The following IRF2BP1 variants were observed in gnomAD, a reference collection of about 807,000 sequenced individuals.
IRF2BP1 encodes the protein interferon regulatory factor 2-binding protein 1.
In IRF2BP1, 9 loss-of-function variants were observed where a neutral mutation model predicts 38.6. That is an observed-to-expected ratio of 0.23 (90% CI 0.14 to 0.41). IRF2BP1 has a LOEUF of 0.41. IRF2BP1 is among the 10% of genes least tolerant of loss of function. The pLI, the probability that IRF2BP1 is intolerant of heterozygous loss-of-function variation, is 1.00. For synonymous variants in IRF2BP1, 416 were observed against 383.4 expected, an observed-to-expected ratio of 1.08 and a Z score of -0.99; for missense variants, 631 against 829.6, an observed-to-expected ratio of 0.76 and a Z score of 2.94.
At position 45,884,314 on chromosome 19, in the gene IRF2BP1, G is replaced by A. The variant is rs762734968; in HGVS notation, c.1461C>T (p.Ser487=). ...TCGCCCCAGTGCCGCTGCCACCCCC[G>A]CTGACAGCTTCGGCCCCCGCTGTGG... The part of the protein sequence containing the change: ...VSPTAGAEAV[S]GGGSGTGATP... Residue 487 remains serine, a synonymous_variant, in exon 1 of 1, where the codon AGC becomes AGT. Coordinates refer to ENST00000302165, the MANE Select transcript of IRF2BP1 (RefSeq NM_015649.3). 3 of 1,610,178 alleles carry A rather than the reference G, an allele frequency of 1.9e-6. No homozygotes were observed. The highest frequency in any genetic ancestry group is 4.5e-5 in the East Asian group (2 of 44,838).
chr19:45,884,215 C>G lies in IRF2BP1; in HGVS notation c.1560G>C (p.Ser520=), dbSNP rs1285621815. 6.2e-7 allele frequency: 1 copy of G among 1,611,774 alleles called. No individual in the cohort carries two copies. The highest frequency in any genetic ancestry group is 2.2e-5 in the East Asian group (1 of 44,858). ...LEDTHFVQCP[S]VPGHKFCFPC... ...GAAAGCAGAACTTGTGTCCGGGCAC[C>G]GAGGGGCACTGGACGAAGTGGGTGT... Residue 520 remains serine, a synonymous_variant, in exon 1 of 1, where the codon TCG becomes TCC. Coordinates refer to ENST00000302165, the MANE Select transcript of IRF2BP1 (RefSeq NM_015649.3).
At position 45,883,988 on chromosome 19, in the gene IRF2BP1, G is replaced by A. The variant is rs1212746000; in HGVS notation, c.*32C>T. ...CGCGGCAGCGGTGGGTGGCAAAGGG[G>A]CAGAGGGCAGTAGCCTGGAGGCAGT... On this transcript the variant is annotated 3_prime_UTR_variant, in exon 1 of 1. Transcript: ENST00000302165. 5 of 1,518,234 alleles carry A rather than the reference G, an allele frequency of 3.3e-6. No homozygotes were observed. The highest frequency in any genetic ancestry group is 4.4e-6 in the Non-Finnish European group (5 of 1,128,644). 94.0% of individuals were successfully genotyped at this position (1,518,234 alleles called of 1,614,324 possible).
At position 45,884,106 on chromosome 19, in the gene IRF2BP1, A is replaced by G; in HGVS notation, c.1669T>C (p.Ser557Pro). The change falls in exon 1 of 1, where the codon TCC becomes CCC. Residue 557 changes from serine (S) to proline (P), a missense_variant. Ser to Pro is a moderately conservative substitution (Grantham distance 74, BLOSUM62 -1). This residue lies in a region of IRF2BP1 where 58 missense variants were observed against 108.4 expected (regional missense o/e 0.54). Coordinates refer to ENST00000302165, the MANE Select transcript of IRF2BP1 (RefSeq NM_015649.3). ...PSGDKCPLVG[S>P]SVPWAFMQGE... is the part of the protein sequence containing the mutation. ...TGCATGAAGGCCCAGGGCACGGAGG[A>G]GCCGACCAGCGGGCACTTGTCTCCG... The G allele has an allele frequency of 6.2e-7, 1 of 1,612,912 alleles. No individual in the cohort carries two copies. Among genetic ancestry groups the G allele is most frequent in the South Asian group, 1.1e-5 (1 of 90,998 alleles).
Position 45,885,400 on chromosome 19 carries a change from C to T in IRF2BP1, c.375G>A (p.Ser125=). ...ATSSGRLPLP[S]PALEYTLGSR... The stretch of plus-strand genomic sequence containing the variant: ...ACCCCAGAGTGTACTCCAGGGCGGG[C>T]GAGGGCAGGGGGAGGCGGCCTGATG... The change falls in exon 1 of 1, where the codon TCG becomes TCA. Residue 125 remains serine (S), a synonymous_variant. Coordinates refer to ENST00000302165, the MANE Select transcript of IRF2BP1 (RefSeq NM_015649.3). 6.3e-7 allele frequency: 1 copy of T among 1,598,966 alleles called. No homozygotes were observed. The highest frequency in any genetic ancestry group is 1.1e-5 in the South Asian group (1 of 90,060).
At position 45,884,858 on chromosome 19, in the gene IRF2BP1, T is replaced by C. The variant is rs996815678; in HGVS notation, c.917A>G (p.Lys306Arg). 19 of 1,613,036 alleles carry C rather than the reference T, an allele frequency of 1.2e-5. No individual in the cohort carries two copies. Among genetic ancestry groups the C allele is most frequent in the Non-Finnish European group, 1.4e-5 (17 of 1,180,032 alleles). ...CTTGAAGCCCGAAGAAGCCAGTGCCTTGCCCGGCTCCCGCAGAGCATCGTG... is the reference window on the plus strand; with the variant it reads ...CTTGAAGCCCGAAGAAGCCAGTGCCCTGCCCGGCTCCCGCAGAGCATCGTG... Reference protein sequence around the residue: ...MFHDALREPGKALASSGFKYL... With the variant: ...MFHDALREPGRALASSGFKYL... The change falls in exon 1 of 1, where the codon AAG becomes AGG. Residue 306 changes from lysine (K) to arginine (R), a missense_variant. This residue lies in a region of IRF2BP1 where 133 missense variants were observed against 232.2 expected (regional missense o/e 0.57). Transcript: ENST00000302165.
rs781709632 is a variant in IRF2BP1 at position 45,885,376 on chromosome 19, C to T, written c.399G>A (p.Gly133=). The T allele has an allele frequency of 6.2e-7, 1 of 1,608,402 alleles. No individual in the cohort carries two copies. The highest frequency in any genetic ancestry group is 1.1e-5 in the South Asian group (1 of 90,898). ...GGCCCAGCCCATTGGCCAGGCGGGACCCCAGAGTGTACTCCAGGGCGGGCG... is the reference window on the plus strand; with the variant it reads ...GGCCCAGCCCATTGGCCAGGCGGGATCCCAGAGTGTACTCCAGGGCGGGCG... ...LPSPALEYTL[G]SRLANGLGRE... The change falls in exon 1 of 1, where the codon GGG becomes GGA. Residue 133 remains glycine (G), a synonymous_variant. Coordinates refer to ENST00000302165, the MANE Select transcript of IRF2BP1 (RefSeq NM_015649.3).
chr19:45,885,813 C>A lies in IRF2BP1; in HGVS notation c.-39G>T. 6.7e-7 allele frequency: 1 copy of A among 1,489,576 alleles called. No individual in the cohort carries two copies. The highest frequency in any genetic ancestry group is 1.3e-5 in the South Asian group (1 of 78,464). 92.3% of individuals were successfully genotyped at this position (1,489,576 alleles called of 1,614,324 possible). ...GCGCCGCCCAGCTCCCGCGTTCCACCGGCCGCCGACGTGCGATCCGCGCCG... is the reference window on the plus strand; with the variant it reads ...GCGCCGCCCAGCTCCCGCGTTCCACAGGCCGCCGACGTGCGATCCGCGCCG... On this transcript the variant is annotated 5_prime_UTR_variant, in exon 1 of 1. Transcript: ENST00000302165.
At position 45,885,461 on chromosome 19, in the gene IRF2BP1, C is replaced by A; in HGVS notation, c.314G>T (p.Gly105Val). 7.4e-6 allele frequency: 11 copies of A among 1,481,880 alleles called. No individual in the cohort carries two copies. The highest frequency in any genetic ancestry group is 2.5e-5 in the Admixed American group (1 of 40,288). 91.8% of individuals were successfully genotyped at this position (1,481,880 alleles called of 1,614,324 possible). Residue 105 changes from glycine to valine, a missense_variant, in exon 1 of 1, where the codon GGC becomes GTC. This residue lies in a region of IRF2BP1 where 206 missense variants were observed against 207.0 expected (regional missense o/e 1.00). Transcript: ENST00000302165. ...GTCATAGCGGTCCTGGCCCGACACG[C>A]CGCCGCCGGTCCCTGACGGCTGGGG... ...AQPQPSGTGG[G>V]VSGQDRYDRA...
chr19:45,884,432 C>G lies in IRF2BP1; in HGVS notation c.1343G>C (p.Arg448Pro). 6.3e-7 allele frequency: 1 copy of G among 1,597,232 alleles called. No homozygotes were observed. The highest frequency in any genetic ancestry group is 1.1e-5 in the South Asian group (1 of 90,540). The change falls in exon 1 of 1, where the codon CGT becomes CCT. Residue 448 changes from arginine to proline, a missense_variant. This residue lies in a region of IRF2BP1 where 201 missense variants were observed against 215.3 expected (regional missense o/e 0.93). Coordinates refer to ENST00000302165, the MANE Select transcript of IRF2BP1 (RefSeq NM_015649.3). ...KDPGGGGGPV[R>P]AGGASPAASS... ...GGCTGCAGGGCTGGCGCCCCCTGCACGCACAGGCCCCCCGCCTCCGCCAGG... is the reference window on the plus strand; with the variant it reads ...GGCTGCAGGGCTGGCGCCCCCTGCAGGCACAGGCCCCCCGCCTCCGCCAGG...
In IRF2BP1 at chr19:45,885,647, T is replaced by G; in HGVS notation, c.128A>C (p.Asp43Ala). The G allele has an allele frequency of 6.4e-7, 1 of 1,574,054 alleles. No individual in the cohort carries two copies. Among genetic ancestry groups the G allele is most frequent in the Non-Finnish European group, 8.5e-7 (1 of 1,170,008 alleles). ...CRGCVNFEGADRIELLIDAAR... is the reference protein window; with the variant it reads ...CRGCVNFEGAARIELLIDAAR... The stretch of plus-strand genomic sequence containing the variant: ...GGCATCGATGAGCAGTTCGATGCGG[T>G]CCGCGCCCTCGAAGTTCACGCAGCC... The change falls in exon 1 of 1, where the codon GAC becomes GCC. Residue 43 changes from aspartate to alanine, a missense_variant. By Grantham distance (126) the Asp-to-Ala change is moderately radical (BLOSUM62 -2). Coordinates refer to ENST00000302165, the MANE Select transcript of IRF2BP1 (RefSeq NM_015649.3).
At position 45,884,902 on chromosome 19, in the gene IRF2BP1, TGCCAGGAC is replaced by T; in HGVS notation, c.865_872del (p.Val289SerfsTer28). 1 of 1,613,246 alleles carries T rather than the reference TGCCAGGAC, an allele frequency of 6.2e-7. No individual in the cohort carries two copies. The highest frequency in any genetic ancestry group is 8.5e-7 in the Non-Finnish European group (1 of 1,180,028). On this transcript the variant is annotated frameshift_variant, in exon 1 of 1. Coordinates refer to ENST00000302165, the MANE Select transcript of IRF2BP1 (RefSeq NM_015649.3). LOFTEE classifies it high-confidence loss of function. ...CATCGTGGAACATCTGGCGAGCCAC[TGCCAGGAC>T]GCCGGCGTACACATTGCCGGAACCA... is the stretch of plus-strand genomic sequence containing the variant.
Position 45,885,938 on chromosome 19 carries a change from C to T in IRF2BP1, c.-164G>A. 1.2e-6 allele frequency: 1 copy of T among 802,984 alleles called. No individual in the cohort carries two copies. Among genetic ancestry groups the T allele is most frequent in the Non-Finnish European group, 1.8e-6 (1 of 560,036 alleles). 49.7% of individuals were successfully genotyped at this position (802,984 alleles called of 1,614,324 possible). On this transcript the variant is annotated 5_prime_UTR_variant, in exon 1 of 1. Transcript: ENST00000302165. ...AGGCCCGGCCCCCCTTCCCCGCCCC[C>T]TGGGCCCTAAGCCTTTCTGCTCACT...
Position 45,885,858 on chromosome 19 carries a change from C to T in IRF2BP1, c.-84G>A, listed in dbSNP as rs1402234530. On this transcript the variant is annotated 5_prime_UTR_variant, in exon 1 of 1. Transcript: ENST00000302165. ...GCGCCGCCAACGTTCGATCCGCGTCCCGGGGACAGCGCGAGCCACGGTCCG... is the reference window on the plus strand; with the variant it reads ...GCGCCGCCAACGTTCGATCCGCGTCTCGGGGACAGCGCGAGCCACGGTCCG... 7.2e-6 allele frequency: 10 copies of T among 1,383,438 alleles called. 1 individual carries two copies. In the African/African-American group the frequency reaches 7.6e-5, roughly 10 times the overall value. The allele number at this position is 1,383,438 out of a possible 1,614,324, so 85.7% of individuals were successfully genotyped here.
rs961686420 is a variant in IRF2BP1, at chr19:45,885,920, G to T, written c.-146C>A. 3.2e-6 allele frequency: 3 copies of T among 942,298 alleles called. No homozygotes were observed. Among genetic ancestry groups the T allele is most frequent in the East Asian group, 3.3e-5 (1 of 30,292 alleles). The allele number at this position is 942,298 out of a possible 1,614,324, so 58.4% of individuals were successfully genotyped here. On this transcript the variant is annotated 5_prime_UTR_variant, in exon 1 of 1. Coordinates refer to ENST00000302165, the MANE Select transcript of IRF2BP1 (RefSeq NM_015649.3). ...GGCCTCCCCGCCGGATCCAGGCCCG[G>T]CCCCCCTTCCCCGCCCCCTGGGCCC...
In IRF2BP1 at chr19:45,884,458, G is replaced by A. The variant is rs376139508; in HGVS notation, c.1317C>T (p.Asp439=). 8 of 1,599,684 alleles carry A rather than the reference G, an allele frequency of 5.0e-6. No homozygotes were observed. In the African/African-American group the frequency reaches 1.1e-4, roughly 21 times the overall value. Residue 439 remains aspartate (D), a synonymous_variant, in exon 1 of 1, where the codon GAC becomes GAT. Transcript: ENST00000302165. ...GCACAGGCCCCCCGCCTCCGCCAGG[G>A]TCCTTGGGTGAGTGGCCCAGGGCTT... ...VAEALGHSPK[D]PGGGGGPVRA... is the part of the protein sequence containing the mutation.
In IRF2BP1 at chr19:45,884,737, G is replaced by A. The variant is rs1396687794; in HGVS notation, c.1038C>T (p.Pro346=). ...GGTACTGCTGGGGCAGGGCCTCCGC[G>A]GGAGCTGGCTCGCGGAAGCTGCGGA... The part of the protein sequence containing the change: ...DGVRSFREPA[P]AEALPQQYPE... Residue 346 remains proline (P), a synonymous_variant, in exon 1 of 1, where the codon CCC becomes CCT. Transcript: ENST00000302165. 5 of 1,611,620 alleles carry A rather than the reference G, an allele frequency of 3.1e-6. No homozygotes were observed. The highest frequency in any genetic ancestry group is 1.3e-5 in the African/African-American group (1 of 74,900).
In IRF2BP1 at chr19:45,886,111, G is replaced by GGCC. The variant is rs1238025261; in HGVS notation, c.-340_-338dup. The GGCC allele has an allele frequency of 1.0e-5, 2 of 195,694 alleles. No individual in the cohort carries two copies. The highest frequency in any genetic ancestry group is 1.2e-4 in the East Asian group (1 of 8,336). 12.1% of individuals were successfully genotyped at this position (195,694 alleles called of 1,614,324 possible). The stretch of plus-strand genomic sequence containing the variant: ...CCGCTCTCGCCGCCGCCGCTGCAAC[G>GGCC]GCCGCCGCCGCCTCCACCTCCTTCT... On this transcript the variant is annotated 5_prime_UTR_variant, in exon 1 of 1. Transcript: ENST00000302165.
Position 45,885,205 on chromosome 19 carries a change from G to A in IRF2BP1, c.570C>T (p.Pro190=), listed in dbSNP as rs1967038745. 1.2e-6 allele frequency: 2 copies of A among 1,607,164 alleles called. No individual in the cohort carries two copies. Among genetic ancestry groups the A allele is most frequent in the Non-Finnish European group, 1.7e-6 (2 of 1,179,988 alleles). The stretch of plus-strand genomic sequence containing the variant: ...CTTTCTCGAAATCGGAGCCGAAGAG[G>A]GGACGGGCAGGACTCAAGCCGGGTG... The part of the protein sequence containing the change: ...TLAPGLSPAR[P]LFGSDFEKEK... Residue 190 remains proline, a synonymous_variant, in exon 1 of 1, where the codon CCC becomes CCT. Coordinates refer to ENST00000302165, the MANE Select transcript of IRF2BP1 (RefSeq NM_015649.3).
In IRF2BP1 at chr19:45,885,826, GCGATCCGCGCCGCCAACGTT is replaced by G. The variant is rs755276452; in HGVS notation, c.-72_-53del. The G allele has an allele frequency of 1.3e-5, 19 of 1,467,144 alleles. No homozygotes were observed. Among genetic ancestry groups the G allele is most frequent in the East Asian group, 1.2e-4 (4 of 34,212 alleles). The allele number at this position is 1,467,144 out of a possible 1,614,324, so 90.9% of individuals were successfully genotyped here. A position where few individuals can be genotyped will look rare whatever the true frequency, so the allele number is the denominator to read the frequency against. On this transcript the variant is annotated 5_prime_UTR_variant, in exon 1 of 1. Coordinates refer to ENST00000302165, the MANE Select transcript of IRF2BP1 (RefSeq NM_015649.3). ...CCCGCGTTCCACCGGCCGCCGACGT[GCGATCCGCGCCGCCAACGTT>G]CGATCCGCGTCCCGGGGACAGCGCG...
Sources: gnomAD v4.1 joint callset for allele counts on GRCh38, gnomAD v4.1.1 for gene constraint, gnomAD v4.1.1 regional missense constraint, MANE v1.5 for transcripts, NCBI Gene and HGNC (gene_info 2026-07-23, HGNC 2026-07-21) for gene names.